The following AKAP9 variants were observed in gnomAD, a reference collection of about 807,000 sequenced individuals.
AKAP9 encodes the protein A-kinase anchoring protein 9.
A neutral mutation model predicts 488.5 loss-of-function variants in AKAP9; 311 were observed. The observed-to-expected ratio is 0.64, with a 90% CI of 0.58 to 0.70. AKAP9 has a LOEUF of 0.70. AKAP9 is among the 30% of genes least tolerant of loss of function. The probability of loss-of-function intolerance (pLI) is 0.00; values close to 1 mark genes in which losing one functional copy is unlikely to be tolerated. For synonymous variants in AKAP9, 1,462 were observed against 1,483.5 expected (o/e 0.99, Z 0.33); for missense variants, 4,215 against 4,374.5 (o/e 0.96, Z 1.03).
At chr7:92,023,079 T>C in intron 14 of AKAP9, 70 bp downstream of exon 14, 1 of 1,526,040 alleles carries the variant, frequency 6.6e-7, no homozygotes, top group Non-Finnish European at 9.1e-7. Flanking sequence ...TCATCCAGAA[T>C]GGTTATTTAA....
chr7:91,993,144 T>C, intron 5 of AKAP9, 89 bp downstream of exon 5: 1 of 1,420,030 alleles, frequency 7.0e-7, no homozygotes, highest in Non-Finnish European at 9.6e-7. Flanking sequence ...AGATGGGGTT[T>C]TTAAAATTTT....
At chr7:92,105,645 G>A (rs1818390336) in intron 46 of AKAP9, 33 bp from the exon 47 acceptor site, 3 of 1,469,482 alleles carry the variant, frequency 2.0e-6, no homozygotes, top group Admixed American at 1.7e-5. Flanking sequence ...TTTATAGATG[G>A]GCTGTGAAAT....
chr7:91,961,829 G>A (rs1413668542), intron 1 of AKAP9, among the ~76,000 whole-genome samples: 2 of 151,770 alleles, frequency 1.3e-5, no homozygotes, highest in Admixed American at 1.3e-4. Flanking sequence ...GGGCAACAGA[G>A]TGAGACTCCG....
chr7:92,031,219 A>G (rs902278686), intron 15 of AKAP9, among the ~76,000 whole-genome samples: 1 of 152,176 alleles, frequency 6.6e-6, no homozygotes, highest in African/African-American at 2.4e-5. Flanking sequence ...TATATATTTT[A>G]TTAGTTATAT....
intron 22 of AKAP9, among the ~76,000 whole-genome samples, chr7:92,056,369 T>C (rs2130811033): frequency 1.3e-5 from 2 of 151,874 alleles, no homozygotes; most frequent in Middle Eastern, 3.4e-3. Flanking sequence ...TTTGATAGGC[T>C]AAGCATGGGT....
In AKAP9 at chr7:92,012,309, T is replaced by A. The variant is rs542836190; in HGVS notation, c.3319-120T>A. The A allele has an allele frequency of 4.2e-4, 369 of 881,050 alleles. 4 individuals carry two copies. The South Asian group carries it at 6.0e-3, about 14-fold the overall frequency. The allele number at this position is 881,050 out of a possible 1,614,324, so 54.6% of individuals were successfully genotyped here. On this transcript the variant is annotated intron_variant, in intron 8 of 49. Transcript: ENST00000356239. ...CAACAGCACGAAGATAGAAAAAAAA[T>A]TAGACTTCAGTTCTCATGAATTTTT...
intron 22 of AKAP9, among the ~76,000 whole-genome samples, chr7:92,056,029 AATTT>A (rs997836354): frequency 6.6e-6 from 1 of 151,806 alleles, no homozygotes; most frequent in Non-Finnish European, 1.5e-5. Context: ...AATAGACAAT[AATTT>A]CAGTTATTTT....
intron 30 of AKAP9, 128 bp from the exon 31 acceptor site, chr7:92,078,951 T>A (rs1337867711): frequency 5.0e-6 from 3 of 599,716 alleles, no homozygotes; most frequent in South Asian, 4.5e-5. Flanking sequence ...TTAAGTAGTA[T>A]GTCTGAGAAG....
intron 26 of AKAP9, among the ~76,000 whole-genome samples, chr7:92,068,772 T>C (rs910798818): frequency 6.6e-6 from 1 of 152,136 alleles, no homozygotes; most frequent in African/African-American, 2.4e-5. Flanking sequence ...AGTGACTTTA[T>C]TGCTATCATC....
At chr7:92,083,020 C>A in intron 32 of AKAP9, 150 bp from the exon 33 acceptor site, 1 of 851,642 alleles carries the variant, frequency 1.2e-6, no homozygotes, top group Non-Finnish European at 1.8e-6. Context: ...TATATGTAAA[C>A]TGTGAGCGTT....
Position 92,079,495 on chromosome 7 carries a change from T to C in AKAP9, c.7362T>C (p.Ala2454=). 7 of 1,614,014 alleles carry C rather than the reference T, an allele frequency of 4.3e-6. No homozygotes were observed. Among genetic ancestry groups the C allele is most frequent in the Non-Finnish European group, 5.9e-6 (7 of 1,180,010 alleles). ...QSIPENSVNV[A]IDHLSKDKPE... Reference sequence around the variant, plus strand: ...TACCAGAGAATAGTGTTAACGTGGCTATAGATCATCTGAGCAAAGACAAAC... The same window carrying C: ...TACCAGAGAATAGTGTTAACGTGGCCATAGATCATCTGAGCAAAGACAAAC... Residue 2454 remains alanine (A), a synonymous_variant, in exon 31 of 50, where the codon GCT becomes GCC. Coordinates refer to ENST00000356239, the MANE Select transcript of AKAP9 (RefSeq NM_005751.5).
intron 48 of AKAP9, 199 bp downstream of exon 48, chr7:92,107,621 G>A (rs1818723277): frequency 1.9e-6 from 1 of 521,582 alleles, no homozygotes; most frequent in South Asian, 2.1e-5. Flanking sequence ...CAGATCATGA[G>A]GTCAGGAGTT....
chr7:92,079,277 G>T lies in AKAP9; in HGVS notation c.7144G>T (p.Asp2382Tyr). The T allele has an allele frequency of 6.2e-7, 1 of 1,614,030 alleles. No homozygotes were observed. The highest frequency in any genetic ancestry group is 8.5e-7 in the Non-Finnish European group (1 of 1,179,988). ...MNAHSLSEEA[D>Y]SLKHQLDVVI... ...TGCTCATTCCCTCTCAGAAGAAGCA[G>T]ACAGTTTAAAACATCAATTGGATGT... is the stretch of plus-strand genomic sequence containing the variant. The change falls in exon 31 of 50, where the codon GAC becomes TAC. Residue 2382 changes from aspartate to tyrosine, a missense_variant. This residue lies in a region of AKAP9 where 1,476 missense variants were observed against 1,477.4 expected (regional missense o/e 1.00). Transcript: ENST00000356239.
intron 14 of AKAP9, among the ~76,000 whole-genome samples, chr7:92,025,191 G>T (rs1172206376): frequency 6.6e-6 from 1 of 152,154 alleles, no homozygotes; most frequent in Non-Finnish European, 1.5e-5. Context: ...CTAATAAACA[G>T]TATTTCAAGC....
intron 25 of AKAP9, 129 bp from the exon 26 acceptor site, chr7:92,066,298 G>A: frequency 1.7e-6 from 2 of 1,158,596 alleles, no homozygotes; most frequent in East Asian, 2.5e-5. Context: ...TTGTGATTTG[G>A]GATGTTCCAT....
intron 6 of AKAP9, 77 bp downstream of exon 6, chr7:91,994,853 T>A: frequency 1.4e-6 from 2 of 1,406,570 alleles, no homozygotes; most frequent in Non-Finnish European, 2.0e-6. Context: ...AGAACAAATC[T>A]AAATTTGTTA....
chr7:92,000,866 G>T lies in AKAP9; in HGVS notation c.949G>T (p.Glu317Ter). ...VYEMEQDKKV[E>*]NSNKEEIQEK... The stretch of plus-strand genomic sequence containing the variant: ...CCTAAAGGAACAAGATAAAAAAGTA[G>T]AAAACTCAAATAAAGAAGAAATACA... The change falls in exon 8 of 50, where the codon GAA (glutamate) becomes TAA (stop). Residue 317 changes from glutamate to a stop codon, truncating the protein, a stop_gained. Transcript: ENST00000356239. LOFTEE classifies it high-confidence loss of function. 7.1e-7 allele frequency: 1 copy of T among 1,407,478 alleles called. No individual in the cohort carries two copies. Among genetic ancestry groups the T allele is most frequent in the South Asian group, 1.4e-5 (1 of 71,338 alleles). 87.2% of individuals were successfully genotyped at this position (1,407,478 alleles called of 1,614,324 possible).
chr7:92,070,602 T>A (rs184966635), intron 27 of AKAP9, among the ~76,000 whole-genome samples: 1 of 151,962 alleles, frequency 6.6e-6, no homozygotes, highest in Admixed American at 6.6e-5. Context: ...AACCAGCTGA[T>A]TTTTGTATTT....
intron 16 of AKAP9, among the ~76,000 whole-genome samples, chr7:92,034,133 A>G (rs1191114268): frequency 1.3e-5 from 2 of 152,198 alleles, no homozygotes; most frequent in African/African-American, 4.8e-5. Flanking sequence ...AATCAGGAAG[A>G]TATCAGGTTG....
Sources: allele counts gnomAD v4.1 joint callset (sites outside exome capture counted in the v4.1 genomes callset), GRCh38; gene constraint gnomAD v4.1.1; regional missense constraint gnomAD v4.1.1; transcripts MANE v1.5; gene names NCBI Gene and HGNC (gene_info 2026-07-23, HGNC 2026-07-21).